THSD4: variants seen among roughly 807,000 people sequenced by gnomAD.
The protein encoded by THSD4 is thrombospondin type 1 domain containing 4, also known as thrombospondin type-1 domain-containing protein 4.
In THSD4, 69 loss-of-function variants were observed where a neutral mutation model predicts 119.0. The ratio of observed to expected loss-of-function variants is 0.58; its 90% CI spans 0.48 to 0.71. The LOEUF (loss-of-function observed/expected upper bound fraction) is 0.71. THSD4 is among the 30% of genes least tolerant of loss of function. The pLI is 0.00. For missense variants in THSD4, 1,393 were observed against 1,391.1 expected, an observed-to-expected ratio of 1.00 and a Z score of -0.02; for synonymous variants, 524 against 540.4, an observed-to-expected ratio of 0.97 and a Z score of 0.42.
At chr15:71,299,690 A>G (rs967044741) in intron 6 of THSD4, among the ~76,000 whole-genome samples, 5 of 152,190 alleles carry the variant, frequency 3.3e-5, no homozygotes, top group East Asian at 1.9e-4. Flanking sequence ...GTAGACTTCA[A>G]TTGTCCTTAT....
chr15:71,723,894 C>A (rs972826516), intron 8 of THSD4, among the ~76,000 whole-genome samples: 15 of 151,766 alleles, frequency 9.9e-5, no homozygotes, highest in African/African-American at 3.6e-4. Flanking sequence ...CATGGTGAAA[C>A]CCCCATCTCT....
At chr15:71,563,193 CCTTTACA>C (rs2049158624) in intron 7 of THSD4, among the ~76,000 whole-genome samples, 2 of 152,130 alleles carry the variant, frequency 1.3e-5, no homozygotes, top group Non-Finnish European at 2.9e-5. Flanking sequence ...GTTTAGTGAA[CCTTTACA>C]TCACCACACT....
chr15:71,231,062 C>T (rs77919902), intron 4 of THSD4, among the ~76,000 whole-genome samples: 3,774 of 152,242 alleles, frequency 0.025, 170 homozygotes, highest in African/African-American at 0.087. Context: ...TCCACTCCTC[C>T]GGGCCCACAC....
chr15:71,137,969 A>T (rs993762107), intron 1 of THSD4, among the ~76,000 whole-genome samples: 1 of 152,220 alleles, frequency 6.6e-6, no homozygotes, highest in South Asian at 2.1e-4. Context: ...ACATCTTATC[A>T]GATCTGTTCA....
chr15:71,135,133 C>T (rs1486382977), intron 1 of THSD4, among the ~76,000 whole-genome samples: 4 of 137,734 alleles, frequency 2.9e-5, no homozygotes, highest in Admixed American at 7.3e-5. Flanking sequence ...AACCAAACAC[C>T]GCATATTCTC....
intron 6 of THSD4, among the ~76,000 whole-genome samples, chr15:71,363,899 G>T (rs141596647): frequency 0.013 from 2,040 of 152,246 alleles, 18 homozygotes; most frequent in Non-Finnish European, 0.019. Context: ...GTGCAGAAAG[G>T]GTTCCTTGAA....
At chr15:71,197,757 C>G (rs113052832) in intron 3 of THSD4, among the ~76,000 whole-genome samples, 112 of 152,226 alleles carry the variant, frequency 7.4e-4, no homozygotes, top group African/African-American at 2.6e-3. Flanking sequence ...GTCAGGTTCT[C>G]TGTTTCTCTG....
At chr15:71,640,884 G>A (rs1241954005) in intron 7 of THSD4, among the ~76,000 whole-genome samples, 1 of 151,928 alleles carries the variant, frequency 6.6e-6, no homozygotes, top group African/African-American at 2.4e-5. Context: ...TAAAGGACCA[G>A]GTCAGTGCTA....
chr15:71,495,861 T>C (rs895258535), intron 7 of THSD4, among the ~76,000 whole-genome samples: 1 of 152,196 alleles, frequency 6.6e-6, no homozygotes, highest in Admixed American at 6.5e-5. Context: ...GAAAAGACCA[T>C]GCGTCTCATT....
chr15:71,751,377 G>A (rs1375076540), intron 14 of THSD4, among the ~76,000 whole-genome samples: 3 of 152,078 alleles, frequency 2.0e-5, no homozygotes, highest in Non-Finnish European at 4.4e-5. Flanking sequence ...GGAAAAGTAT[G>A]CTCCAAACCT....
chr15:71,426,397 G>GTGTT (rs57120813), intron 7 of THSD4, among the ~76,000 whole-genome samples: 15,089 of 124,640 alleles, frequency 0.12, 837 homozygotes, highest in Middle Eastern at 0.19. Context: ...GTGTGTGTGT[G>GTGTT]TGTGTGTGTT....
intron 7 of THSD4, among the ~76,000 whole-genome samples, chr15:71,607,356 C>T (rs531018387): frequency 6.6e-6 from 1 of 152,168 alleles, no homozygotes; most frequent in Non-Finnish European, 1.5e-5. Flanking sequence ...TGACAAGGAG[C>T]CTGAGAGGTG....
intron 6 of THSD4, among the ~76,000 whole-genome samples, chr15:71,339,265 T>A (rs1192611279): frequency 6.6e-6 from 1 of 152,154 alleles, no homozygotes; most frequent in Non-Finnish European, 1.5e-5. Flanking sequence ...CTACCCAAAC[T>A]GTTACTTCTG....
chr15:71,406,645 T>G (rs1026633720), intron 6 of THSD4, among the ~76,000 whole-genome samples: 7 of 6,278 alleles, frequency 1.1e-3, no homozygotes, highest in South Asian at 8.2e-3. Context: ...GTTTGTTTGG[T>G]GTGTGTGTGT....
intron 7 of THSD4, among the ~76,000 whole-genome samples, chr15:71,575,651 C>T (rs1037371944): frequency 2.0e-5 from 3 of 152,144 alleles, no homozygotes; most frequent in Non-Finnish European, 2.9e-5. Context: ...CCTGTAGTTA[C>T]GTGTATTACC....
intron 6 of THSD4, among the ~76,000 whole-genome samples, chr15:71,288,541 C>T (rs541071304): frequency 6.6e-6 from 1 of 152,246 alleles, no homozygotes; most frequent in African/African-American, 2.4e-5. Flanking sequence ...TCTTACCATT[C>T]CATCTCCTGC....
At chr15:71,720,549 A>G (rs576018307) in intron 8 of THSD4, among the ~76,000 whole-genome samples, 1 of 152,376 alleles carries the variant, frequency 6.6e-6, no homozygotes, top group East Asian at 1.9e-4. Context: ...CATTCATAAT[A>G]AAACGAAATG....
intron 7 of THSD4, among the ~76,000 whole-genome samples, chr15:71,549,309 C>G (rs2048890656): frequency 6.6e-6 from 1 of 152,158 alleles, no homozygotes; most frequent in Non-Finnish European, 1.5e-5. Context: ...TCTTGGGCCT[C>G]TTCCTCTTTT....
chr15:71,650,416 C>A (rs1324842068), intron 7 of THSD4, among the ~76,000 whole-genome samples: 1 of 152,184 alleles, frequency 6.6e-6, no homozygotes, highest in Admixed American at 6.5e-5. Context: ...TGCAAGACTT[C>A]TAAAATGCCC....
Sources: allele counts gnomAD v4.1 joint callset (sites outside exome capture counted in the v4.1 genomes callset), GRCh38; gene constraint gnomAD v4.1.1; transcripts MANE v1.5; gene names NCBI Gene and HGNC (gene_info 2026-07-23, HGNC 2026-07-21).